The following DHRS7B variants were observed in gnomAD, a reference collection of about 807,000 sequenced individuals.
DHRS7B encodes the protein dehydrogenase/reductase 7B, also known as peroxisomal reductase activating PPAR-gamma.
A neutral mutation model predicts 26.4 loss-of-function variants in DHRS7B; 24 were observed. The observed-to-expected ratio is 0.91, with a 90% CI of 0.66 to 1.28. The LOEUF is 1.28. Ranked by LOEUF, DHRS7B falls within the 50% of genes most tolerant of loss-of-function variation. The pLI, the probability that DHRS7B is intolerant of heterozygous loss-of-function variation, is 0.00. For synonymous variants in DHRS7B, 142 were observed against 166.4 expected (o/e 0.85, Z 1.13); for missense variants, 368 against 419.4 (o/e 0.88, Z 1.07).
At chr17:21,179,762 CT>C (rs55928399) in intron 3 of DHRS7B, among the ~76,000 whole-genome samples, 47,353 of 137,408 alleles carry the variant, frequency 0.34, 6,774 homozygotes, top group Non-Finnish European at 0.43. Context: ...TTTTCACTTT[CT>C]TTTTTTTTTT....
At chr17:21,142,149 C>G (rs1973530319) in intron 1 of DHRS7B, among the ~76,000 whole-genome samples, 1 of 152,124 alleles carries the variant, frequency 6.6e-6, no homozygotes, top group South Asian at 2.1e-4. Flanking sequence ...CAACTTCTGT[C>G]CCTTTTAAGG....
chr17:21,172,376 C>T, intron 2 of DHRS7B, 180 bp downstream of exon 2: 2 of 546,450 alleles, frequency 3.7e-6, no homozygotes, highest in Non-Finnish European at 5.8e-6. Context: ...AGCCAAGGCA[C>T]AGTGAGAAAT....
intron 1 of DHRS7B, chr17:21,166,519 G>A (rs1320804279): frequency 1.7e-5 from 16 of 960,538 alleles, no homozygotes; most frequent in African/African-American, 3.8e-5. Context: ...GCCTTAATGT[G>A]GCTTCTCAGA....
chr17:21,137,683 C>G (rs1973377439), intron 1 of DHRS7B, among the ~76,000 whole-genome samples: 1 of 152,142 alleles, frequency 6.6e-6, no homozygotes, highest in South Asian at 2.1e-4. Flanking sequence ...TCTCGAACTC[C>G]CAACCTCAGG....
At chr17:21,160,501 A>C (rs917057001) in intron 1 of DHRS7B, among the ~76,000 whole-genome samples, 1 of 152,254 alleles carries the variant, frequency 6.6e-6, no homozygotes, top group Non-Finnish European at 1.5e-5. Context: ...TCATAAGGGA[A>C]ATGCAAATTA....
intron 1 of DHRS7B, among the ~76,000 whole-genome samples, chr17:21,137,899 A>T (rs1303656087): frequency 1.3e-5 from 2 of 150,252 alleles, no homozygotes; most frequent in Non-Finnish European, 3.0e-5. Flanking sequence ...CCTCTGGCTA[A>T]TTTTTTGTAT....
At chr17:21,186,545 C>T (rs781554374) in intron 5 of DHRS7B, among the ~76,000 whole-genome samples, 1 of 152,268 alleles carries the variant, frequency 6.6e-6, no homozygotes, top group Non-Finnish European at 1.5e-5. Flanking sequence ...CAGCAAGGCA[C>T]TGCAGCAAGC....
At position 21,130,651 on chromosome 17, in the gene DHRS7B, T is replaced by G. The variant is rs930131156; in HGVS notation, c.20+3660T>G. On this transcript the variant is annotated intron_variant, in intron 1 of 6. Coordinates refer to ENST00000395511, the MANE Select transcript of DHRS7B (RefSeq NM_015510.5). The stretch of plus-strand genomic sequence containing the variant: ...GAAGGAGAGAAGATCTCTTTCCCTT[T>G]GGAAACAGTGAAAATTCAGTTTTAA... 1.2e-4 allele frequency among the ~76,000 whole-genome samples: 18 copies of G among 152,284 alleles called. 1 individual carries two copies. The highest frequency in any genetic ancestry group is 1.2e-3 in the Admixed American group (18 of 15,288).
At chr17:21,166,441 A>G (rs1391486117) in intron 1 of DHRS7B, 48 of 984,672 alleles carry the variant, frequency 4.9e-5, no homozygotes, top group Non-Finnish European at 5.5e-5. Flanking sequence ...GGCGCCAGGA[A>G]CCGCCACTGG....
chr17:21,143,856 A>G (rs1292862248), intron 1 of DHRS7B, among the ~76,000 whole-genome samples: 1 of 152,254 alleles, frequency 6.6e-6, no homozygotes, highest in African/African-American at 2.4e-5. Context: ...GGAGCCTAAC[A>G]TGTTAAAAGT....
At chr17:21,140,538 A>ACACACACG (rs972677956) in intron 1 of DHRS7B, among the ~76,000 whole-genome samples, 1 of 134,754 alleles carries the variant, frequency 7.4e-6, no homozygotes, top group African/African-American at 2.8e-5. Flanking sequence ...ACACACACAC[A>ACACACACG]CCCTGACACC....
At chr17:21,132,110 C>T (rs1362049716) in intron 1 of DHRS7B, among the ~76,000 whole-genome samples, 2 of 152,068 alleles carry the variant, frequency 1.3e-5, no homozygotes, top group African/African-American at 4.8e-5. Flanking sequence ...AGATCAGCAG[C>T]CTCTGGAACT....
At chr17:21,148,737 T>C (rs113917472) in intron 1 of DHRS7B, among the ~76,000 whole-genome samples, 64 of 151,670 alleles carry the variant, frequency 4.2e-4, no homozygotes, top group Non-Finnish European at 6.6e-4. Flanking sequence ...CAGAGCGAGA[T>C]TGTAAAAAAC....
At chr17:21,186,677 T>C (rs895523903) in intron 5 of DHRS7B, among the ~76,000 whole-genome samples, 1 of 152,208 alleles carries the variant, frequency 6.6e-6, no homozygotes, top group African/African-American at 2.4e-5. Context: ...CAATTCTGAA[T>C]TGGAGGAAAC....
At chr17:21,151,957 T>A (rs1423092943) in intron 1 of DHRS7B, among the ~76,000 whole-genome samples, 1 of 152,136 alleles carries the variant, frequency 6.6e-6, no homozygotes, top group Non-Finnish European at 1.5e-5. Context: ...GTGTAAAAGT[T>A]TGTGGCATCT....
chr17:21,153,005 A>C (rs947338524), intron 1 of DHRS7B, among the ~76,000 whole-genome samples: 3 of 151,816 alleles, frequency 2.0e-5, no homozygotes, highest in African/African-American at 7.2e-5. Flanking sequence ...TTTGATTAAA[A>C]AATTACAAGT....
At chr17:21,138,382 C>G (rs1398380969) in intron 1 of DHRS7B, among the ~76,000 whole-genome samples, 2 of 151,036 alleles carry the variant, frequency 1.3e-5, no homozygotes, top group African/African-American at 4.9e-5. Flanking sequence ...CACCACCATG[C>G]CCCACTAATT....
intron 1 of DHRS7B, among the ~76,000 whole-genome samples, chr17:21,145,795 T>G (rs764053851): frequency 6.6e-6 from 1 of 152,256 alleles, no homozygotes; most frequent in African/African-American, 2.4e-5. Flanking sequence ...TAGGCTAATG[T>G]AAGCATTCTG....
At chr17:21,138,650 A>C (rs1006297201) in intron 1 of DHRS7B, among the ~76,000 whole-genome samples, 1 of 152,216 alleles carries the variant, frequency 6.6e-6, no homozygotes, top group African/African-American at 2.4e-5. Context: ...ATTTATTTTT[A>C]AAACTTTCTT....
Sources: gnomAD v4.1 joint callset for allele counts (sites outside exome capture counted in the v4.1 genomes callset) on GRCh38, gnomAD v4.1.1 for gene constraint, MANE v1.5 for transcripts, NCBI Gene and HGNC (gene_info 2026-07-23, HGNC 2026-07-21) for gene names.